Variants in ARHGAP15 observed in about 807,000 individuals in gnomAD.
The protein encoded by ARHGAP15 is Rho GTPase activating protein 15, also known as rho GTPase-activating protein 15.
In ARHGAP15, 51 loss-of-function variants were observed where a neutral mutation model predicts 63.7. The ratio of observed to expected loss-of-function variants is 0.80; its 90% confidence interval spans 0.64 to 1.01. The LOEUF is 1.01. ARHGAP15 is among the 50% of genes least tolerant of loss of function. ARHGAP15 has a pLI of 0.00. For synonymous variants in ARHGAP15, 191 were observed against 193.8 expected, an observed-to-expected ratio of 0.99 and a Z score of 0.12; for missense variants, 560 against 564.6, an observed-to-expected ratio of 0.99 and a Z score of 0.08.
intron 6 of ARHGAP15, among the ~76,000 whole-genome samples, chr2:143,421,819 A>G (rs1056476167): frequency 1.4e-4 from 21 of 150,824 alleles, no homozygotes; most frequent in Admixed American, 1.4e-3. Context: ...TTTCATTATT[A>G]TACATTGAAT....
chr2:143,621,048 T>C (rs1418769501), intron 11 of ARHGAP15, among the ~76,000 whole-genome samples: 1 of 152,342 alleles, frequency 6.6e-6, no homozygotes, highest in African/African-American at 2.4e-5. Context: ...TTCACTATAG[T>C]GGCTCTCAAC....
At chr2:143,249,559 G>A (rs1558840982) in intron 5 of ARHGAP15, among the ~76,000 whole-genome samples, 2 of 152,034 alleles carry the variant, frequency 1.3e-5, no homozygotes, top group Non-Finnish European at 2.9e-5. Flanking sequence ...GAAAAGTATG[G>A]AATCTACAGA....
chr2:143,233,162 C>T (rs1226659569), intron 5 of ARHGAP15, among the ~76,000 whole-genome samples: 1 of 151,984 alleles, frequency 6.6e-6, no homozygotes, highest in Non-Finnish European at 1.5e-5. Flanking sequence ...TGTTTGTTTA[C>T]ATTTGCCTAA....
intron 6 of ARHGAP15, among the ~76,000 whole-genome samples, chr2:143,427,809 AT>A (rs1299207583): frequency 6.6e-6 from 1 of 152,148 alleles, no homozygotes; most frequent in East Asian, 1.9e-4. Flanking sequence ...TCAGTATTAC[AT>A]TACTTATATT....
rs528386775 is a variant in ARHGAP15 at position 143,204,403 on chromosome 2, C to T, written c.234+2201C>T. Reference sequence around the variant, plus strand: ...ATCAGCATTCCATTCTGGTCAGGATCTGGTGAGGGCCCTCTTCTGGGTTGC... The same window carrying T: ...ATCAGCATTCCATTCTGGTCAGGATTTGGTGAGGGCCCTCTTCTGGGTTGC... On this transcript the variant is annotated intron_variant, in intron 3 of 13. Transcript: ENST00000295095. Among the ~76,000 whole-genome samples, 4 of 152,194 alleles carry T rather than the reference C, an allele frequency of 2.6e-5. 1 individual carries two copies. In the South Asian group the frequency reaches 8.3e-4, roughly 32 times the overall value.
chr2:143,143,987 G>A (rs79545158), intron 1 of ARHGAP15, among the ~76,000 whole-genome samples: 1 of 151,768 alleles, frequency 6.6e-6, no homozygotes, highest in African/African-American at 2.4e-5. Context: ...TCATCATTTA[G>A]CTCCCACTTA....
At chr2:143,400,541 C>A (rs1196847679) in intron 6 of ARHGAP15, among the ~76,000 whole-genome samples, 1 of 151,744 alleles carries the variant, frequency 6.6e-6, no homozygotes, top group Non-Finnish European at 1.5e-5. Flanking sequence ...TATGCAAGTG[C>A]CATGCAAATC....
intron 10 of ARHGAP15, among the ~76,000 whole-genome samples, chr2:143,547,926 C>T (rs1311727402): frequency 1.3e-5 from 2 of 152,080 alleles, no homozygotes; most frequent in African/African-American, 4.8e-5. Context: ...CCCCCACCCA[C>T]AATCCCCAAA....
chr2:143,169,636 C>T (rs1451587715), intron 2 of ARHGAP15, among the ~76,000 whole-genome samples: 1 of 151,906 alleles, frequency 6.6e-6, no homozygotes, highest in Non-Finnish European at 1.5e-5. Context: ...GGGACACACC[C>T]AGGGCACTGA....
chr2:143,276,009 C>A (rs188366458), intron 6 of ARHGAP15, among the ~76,000 whole-genome samples: 5 of 152,282 alleles, frequency 3.3e-5, no homozygotes, highest in African/African-American at 1.2e-4. Context: ...TCCATAAACC[C>A]ATCCTTTACA....
chr2:143,755,752 C>T (rs971482081), intron 13 of ARHGAP15, among the ~76,000 whole-genome samples: 2 of 152,032 alleles, frequency 1.3e-5, no homozygotes, highest in African/African-American at 4.8e-5. Context: ...AGGCAGATTA[C>T]CTGAGGTAGG....
intron 6 of ARHGAP15, among the ~76,000 whole-genome samples, chr2:143,254,573 G>A (rs1269569133): frequency 2.6e-5 from 4 of 151,444 alleles, no homozygotes; most frequent in African/African-American, 9.7e-5. Flanking sequence ...GACAACTGAT[G>A]TATCTCTAAA....
chr2:143,740,638 C>A (rs1400087542), intron 13 of ARHGAP15, among the ~76,000 whole-genome samples: 1 of 152,202 alleles, frequency 6.6e-6, no homozygotes, highest in South Asian at 2.1e-4. Flanking sequence ...TCAACGAGAT[C>A]CGCCAGGTCT....
chr2:143,620,557 G>C (rs1334774694), intron 11 of ARHGAP15, among the ~76,000 whole-genome samples: 1 of 152,034 alleles, frequency 6.6e-6, no homozygotes, highest in African/African-American at 2.4e-5. Context: ...CTGTTTATTT[G>C]CCTTTTCCCT....
intron 6 of ARHGAP15, among the ~76,000 whole-genome samples, chr2:143,323,155 TTA>T (rs1176247222): frequency 6.6e-6 from 1 of 152,204 alleles, no homozygotes; most frequent in Non-Finnish European, 1.5e-5. Context: ...TAAGCTACGT[TTA>T]TGTTATGTGT....
At chr2:143,306,536 G>A (rs1207410774) in intron 6 of ARHGAP15, among the ~76,000 whole-genome samples, 1 of 152,092 alleles carries the variant, frequency 6.6e-6, no homozygotes, top group East Asian at 1.9e-4. Context: ...GATGATATAT[G>A]CAAATTGCCT....
chr2:143,441,020 C>T (rs1476559224), intron 8 of ARHGAP15, among the ~76,000 whole-genome samples: 1 of 152,140 alleles, frequency 6.6e-6, no homozygotes, highest in African/African-American at 2.4e-5. Context: ...GGGTCTAATA[C>T]TGTCCTTAAA....
At chr2:143,703,771 T>C (rs1028756498) in intron 13 of ARHGAP15, 1 of 336,462 alleles carries the variant, frequency 3.0e-6, no homozygotes, top group Admixed American at 5.0e-5. Context: ...TGCTGATTGC[T>C]TGTCAGAACC....
At chr2:143,666,196 G>T (rs970166451) in intron 12 of ARHGAP15, among the ~76,000 whole-genome samples, 1 of 150,348 alleles carries the variant, frequency 6.7e-6, no homozygotes, top group Non-Finnish European at 1.5e-5. Context: ...AACCAAAACA[G>T]CATGGTACTG....
Sources: gnomAD v4.1 joint callset for allele counts (sites outside exome capture counted in the v4.1 genomes callset) on GRCh38, gnomAD v4.1.1 for gene constraint, MANE v1.5 for transcripts, NCBI Gene and HGNC (gene_info 2026-07-23, HGNC 2026-07-21) for gene names.